The following NFASC variants were observed in gnomAD, a reference collection of about 807,000 sequenced individuals.
NFASC encodes neurofascin homolog.
NFASC carries 43 observed loss-of-function variants against 147.5 expected under a neutral mutation model. The observed-to-expected ratio is 0.29, with a 90% CI of 0.23 to 0.38. The LOEUF is 0.38. Among genes scored for constraint, NFASC ranks in the 10% least tolerant of loss-of-function variants. The pLI, the probability that NFASC is intolerant of heterozygous loss-of-function variation, is 1.00. For missense variants in NFASC, 1,320 were observed against 1,689.0 expected (o/e 0.78, Z 3.83); for synonymous variants, 622 against 665.5 (o/e 0.93, Z 1.01).
chr1:204,849,306 C>A (rs2075454355), intron 1 of NFASC, among the ~76,000 whole-genome samples: 1 of 152,224 alleles, frequency 6.6e-6, no homozygotes, highest in African/African-American at 2.4e-5. Flanking sequence ...CGAATACCAT[C>A]ACCATCAAGG....
intron 2 of NFASC, among the ~76,000 whole-genome samples, chr1:204,922,649 G>T (rs118080276): frequency 6.6e-6 from 1 of 152,092 alleles, no homozygotes; most frequent in African/African-American, 2.4e-5. Flanking sequence ...GCTTGGATGC[G>T]CTGAATTGTA....
chr1:204,991,244 C>G, intron 23 of NFASC, 48 bp from the exon 24 acceptor site: 2 of 1,604,624 alleles, frequency 1.2e-6, no homozygotes, highest in South Asian at 1.1e-5. Flanking sequence ...CTTCCCTTTT[C>G]CATCCTTTCT....
chr1:204,980,523 A>C, intron 20 of NFASC, 83 bp downstream of exon 20: 1 of 1,014,156 alleles, frequency 9.9e-7, no homozygotes, highest in Non-Finnish European at 1.5e-6. Context: ...CCCCGACACT[A>C]CGAGGCCATG....
At chr1:204,995,214 A>G (rs552772772) in intron 24 of NFASC, among the ~76,000 whole-genome samples, 9 of 152,194 alleles carry the variant, frequency 5.9e-5, no homozygotes, top group Non-Finnish European at 8.8e-5. Context: ...GAAAGAGCCC[A>G]TGTGTGTCTA....
intron 11 of NFASC, among the ~76,000 whole-genome samples, chr1:204,971,860 T>TG (rs2095267677): frequency 6.6e-6 from 1 of 152,180 alleles, no homozygotes; most frequent in Non-Finnish European, 1.5e-5. Flanking sequence ...AATAGGACTT[T>TG]GGGGGTAAGC....
At chr1:204,887,411 T>A (rs2148975524) in intron 1 of NFASC, among the ~76,000 whole-genome samples, 1 of 152,248 alleles carries the variant, frequency 6.6e-6, no homozygotes, top group South Asian at 2.1e-4. Flanking sequence ...CAATGGACAT[T>A]TGGGTTGTTT....
rs1442169061 is a variant in NFASC, at chr1:204,968,731, A to G, written c.819-67A>G. On this transcript the variant is annotated intron_variant, in intron 9 of 29. Coordinates refer to ENST00000339876, the MANE Select transcript of NFASC (RefSeq NM_001005388.3). This position sits in a 1 kb window ranked among gnomAD's most constrained non-coding sequence, Gnocchi z 5.4. ...ACTTTTAGGCCACCTGGGTGTCCCCAGCTGTATAGAAGAGGAGAAAGGCCA... is the reference window on the plus strand; with the variant it reads ...ACTTTTAGGCCACCTGGGTGTCCCCGGCTGTATAGAAGAGGAGAAAGGCCA... The G allele has an allele frequency of 4.8e-6, 7 of 1,463,398 alleles. No homozygotes were observed. The highest frequency in any genetic ancestry group is 6.5e-6 in the Non-Finnish European group (7 of 1,077,924). The allele number at this position is 1,463,398 out of a possible 1,614,324, so 90.7% of individuals were successfully genotyped here. A position where few individuals can be genotyped will look rare whatever the true frequency, so the allele number is the denominator to read the frequency against.
intron 1 of NFASC, among the ~76,000 whole-genome samples, chr1:204,903,360 G>A (rs1255134027): frequency 6.6e-6 from 1 of 152,140 alleles, no homozygotes; most frequent in Admixed American, 6.5e-5. Flanking sequence ...TCTTTTGAAC[G>A]ATGACCTCCC....
At chr1:204,984,800 G>C (rs1558370807) in intron 21 of NFASC, among the ~76,000 whole-genome samples, 1 of 152,086 alleles carries the variant, frequency 6.6e-6, no homozygotes, top group Non-Finnish European at 1.5e-5. Context: ...AGCTCAGATG[G>C]GAAGAAGAGA....
At chr1:204,976,636 C>T (rs1181208243) in intron 15 of NFASC, 35 bp from the exon 16 acceptor site, 1 of 1,539,316 alleles carries the variant, frequency 6.5e-7, no homozygotes, top group Non-Finnish European at 9.0e-7. Flanking sequence ...ACTCCCCTAC[C>T]CCCTCCTCCC....
chr1:204,941,782 C>A (rs538662933), intron 2 of NFASC, among the ~76,000 whole-genome samples: 30 of 152,264 alleles, frequency 2.0e-4, no homozygotes, highest in South Asian at 1.2e-3. Context: ...ATTTTCTACT[C>A]TCTTAACCCT....
intron 1 of NFASC, among the ~76,000 whole-genome samples, chr1:204,858,683 G>A (rs983810291): frequency 7.9e-5 from 12 of 152,004 alleles, no homozygotes; most frequent in African/African-American, 1.7e-4. Context: ...TTCTCTTGCC[G>A]CTTCCCTTCC....
intron 13 of NFASC, 38 bp downstream of exon 13, chr1:204,974,328 C>A: frequency 1.4e-6 from 2 of 1,479,206 alleles, no homozygotes; most frequent in South Asian, 1.1e-5. Flanking sequence ...CAGCAGGGGT[C>A]ACCTGTCTCA....
At chr1:204,832,370 T>C (rs1395983233) in intron 1 of NFASC, among the ~76,000 whole-genome samples, 1 of 152,108 alleles carries the variant, frequency 6.6e-6, no homozygotes, top group East Asian at 1.9e-4. Flanking sequence ...TGCACAGGGA[T>C]GTGCTGAGAG....
intron 1 of NFASC, among the ~76,000 whole-genome samples, chr1:204,862,765 T>C (rs916009791): frequency 1.3e-5 from 2 of 152,202 alleles, no homozygotes; most frequent in African/African-American, 4.8e-5. Flanking sequence ...TCTTTATCTT[T>C]GGAGGGCAGT....
intron 2 of NFASC, among the ~76,000 whole-genome samples, chr1:204,935,658 G>C (rs2092752145): frequency 6.6e-6 from 1 of 152,082 alleles, no homozygotes; most frequent in African/African-American, 2.4e-5. Context: ...CAGTCTGCAT[G>C]GGGTATAAGT....
intron 1 of NFASC, among the ~76,000 whole-genome samples, chr1:204,889,041 G>A (rs975077989): frequency 2.6e-5 from 4 of 152,200 alleles, no homozygotes; most frequent in Admixed American, 1.3e-4. Context: ...GTGAGTCCAG[G>A]AGTCAGCCGT....
intron 1 of NFASC, among the ~76,000 whole-genome samples, chr1:204,881,760 A>G (rs1256578557): frequency 1.3e-5 from 2 of 152,216 alleles, no homozygotes; most frequent in South Asian, 2.1e-4. Flanking sequence ...AACTTTAGCC[A>G]GGTTCCTGAA....
At chr1:204,926,786 A>ATG (rs2091682405) in intron 2 of NFASC, among the ~76,000 whole-genome samples, 3 of 151,882 alleles carry the variant, frequency 2.0e-5, no homozygotes, top group Admixed American at 2.0e-4. Context: ...TAAATTATAG[A>ATG]ATTCAGGCTG....
Sources: gnomAD v4.1 joint callset for allele counts (sites outside exome capture counted in the v4.1 genomes callset) on GRCh38, gnomAD v4.1.1 for gene constraint, Gnocchi (gnomAD v3.1) non-coding constraint, MANE v1.5 for transcripts, NCBI Gene and HGNC (gene_info 2026-07-23, HGNC 2026-07-21) for gene names.